The following XPO1 variants were observed in gnomAD, a reference collection of about 807,000 sequenced individuals.
XPO1 encodes the protein exportin 1.
In XPO1, 5 loss-of-function variants were observed where a neutral mutation model predicts 133.3. The ratio of observed to expected loss-of-function variants is 0.04; its 90% CI spans 0.02 to 0.08. The LOEUF (loss-of-function observed/expected upper bound fraction) is 0.08, where lower values mean the gene tolerates loss of function less well. Among genes scored for constraint, XPO1 ranks in the 10% least tolerant of loss-of-function variants. XPO1 has a pLI of 1.00. For synonymous variants in XPO1, 419 were observed against 408.2 expected, an observed-to-expected ratio of 1.03 and a Z score of -0.32; for missense variants, 506 against 1,267.5, an observed-to-expected ratio of 0.40 and a Z score of 9.12.
At chr2:61,517,908 C>T (rs1001363233) in intron 4 of XPO1, among the ~76,000 whole-genome samples, 1 of 151,998 alleles carries the variant, frequency 6.6e-6, no homozygotes, top group Non-Finnish European at 1.5e-5. Context: ...GTGAGGATCA[C>T]CTGAAGTCAG....
At position 61,478,980 on chromosome 2, in the gene XPO1, T is replaced by C; in HGVS notation, c.3070-14A>G. On this transcript the variant is annotated splice_polypyrimidine_tract_variant and intron_variant, in intron 24 of 24. Transcript: ENST00000401558. ...ACCTGCAAATTCCTGTGAAAACAGA[T>C]AGTTGAAATGTCAACGCAATAAACT... 1.2e-6 allele frequency: 2 copies of C among 1,609,278 alleles called. No homozygotes were observed. The highest frequency in any genetic ancestry group is 1.7e-6 in the Non-Finnish European group (2 of 1,178,334).
intron 4 of XPO1, among the ~76,000 whole-genome samples, chr2:61,515,935 A>AC (rs1300578395): frequency 6.2e-5 from 7 of 113,514 alleles, no homozygotes; most frequent in African/African-American, 2.3e-4. Context: ...AAAAAAAAAA[A>AC]ACCACACACA....
In XPO1 at chr2:61,507,573, T is replaced by TA. The variant is rs879932546; in HGVS notation, c.302-5264dup. On this transcript the variant is annotated intron_variant, in intron 4 of 24. Transcript: ENST00000401558. ...GCAACAGAGGGGATCTCTGTCTCTT[T>TA]AAAAAAAAAAATCAAACAAGGCAGC... Among the ~76,000 whole-genome samples, 932 of 146,982 alleles carry TA rather than the reference T, an allele frequency of 6.3e-3. 4 individuals are homozygous for TA. Among genetic ancestry groups the TA allele is most frequent in the Non-Finnish European group, 7.4e-3 (489 of 66,212 alleles).
At chr2:61,504,850 G>T (rs1406093411) in intron 4 of XPO1, among the ~76,000 whole-genome samples, 1 of 151,992 alleles carries the variant, frequency 6.6e-6, no homozygotes, top group Non-Finnish European at 1.5e-5. Flanking sequence ...AAAAATTTCT[G>T]TAACAGTAAT....
chr2:61,520,836 GTAAAA>G (rs1253128874), intron 4 of XPO1, among the ~76,000 whole-genome samples: 1 of 152,138 alleles, frequency 6.6e-6, no homozygotes, highest in African/African-American at 2.4e-5. Flanking sequence ...TTATACAACA[GTAAAA>G]TGGGACAGAA....
intron 19 of XPO1, among the ~76,000 whole-genome samples, chr2:61,487,127 G>T (rs546060072): frequency 6.6e-6 from 1 of 151,608 alleles, no homozygotes; most frequent in Non-Finnish European, 1.5e-5. Flanking sequence ...TGATCCACCC[G>T]CCTCGGCCTC....
At chr2:61,479,061 G>A (rs972005571) in intron 24 of XPO1, 95 bp from the exon 25 acceptor site, 2 of 1,406,064 alleles carry the variant, frequency 1.4e-6, no homozygotes, top group East Asian at 2.3e-5. Flanking sequence ...GAGAAGGAAG[G>A]AATATAAATT....
intron 24 of XPO1, among the ~76,000 whole-genome samples, chr2:61,480,823 G>C (rs1014490688): frequency 6.6e-6 from 1 of 151,966 alleles, no homozygotes; most frequent in Non-Finnish European, 1.5e-5. Flanking sequence ...GCAGAAGAAA[G>C]ACATTCTATC....
intron 2 of XPO1, among the ~76,000 whole-genome samples, chr2:61,527,776 A>G (rs1224139053): frequency 6.6e-6 from 1 of 152,086 alleles, no homozygotes; most frequent in African/African-American, 2.4e-5. Context: ...TTTTATTTTC[A>G]TATTTTTAAC....
intron 4 of XPO1, among the ~76,000 whole-genome samples, chr2:61,505,424 C>T (rs1558653397): frequency 6.8e-6 from 1 of 147,916 alleles, no homozygotes; most frequent in Admixed American, 6.8e-5. Flanking sequence ...TGGAGTCTTC[C>T]TCTGTCTTCC....
chr2:61,495,588 C>A lies in XPO1; in HGVS notation c.914G>T (p.Arg305Leu). Residue 305 changes from arginine to leucine, a missense_variant, in exon 11 of 25, where the codon CGA becomes CTA. By Grantham distance (102) the Arg-to-Leu change is moderately radical (BLOSUM62 -2). Coordinates refer to ENST00000401558, the MANE Select transcript of XPO1 (RefSeq NM_003400.4). The stretch of plus-strand genomic sequence containing the variant: ...ATCTTTTCCATTTGAGTACGCAAGT[C>A]GAATATTGGTATTTAAAGGAAGCAT... The part of the protein sequence containing the change: ...KQMLPLNTNI[R>L]LAYSNGKDDE... 1 of 1,576,876 alleles carries A rather than the reference C, an allele frequency of 6.3e-7. No homozygotes were observed. Among genetic ancestry groups the A allele is most frequent in the South Asian group, 1.2e-5 (1 of 84,794 alleles).
chr2:61,523,404 C>T (rs1387755146), intron 3 of XPO1, among the ~76,000 whole-genome samples: 2 of 152,224 alleles, frequency 1.3e-5, no homozygotes, highest in African/African-American at 2.4e-5. Flanking sequence ...AGAGATACCA[C>T]TTTCAAGCCA....
chr2:61,511,927 C>T (rs770641342), intron 4 of XPO1, among the ~76,000 whole-genome samples: 37 of 151,846 alleles, frequency 2.4e-4, no homozygotes, highest in Admixed American at 7.9e-4. Flanking sequence ...CCACCATGCC[C>T]GGCTAATTTT....
chr2:61,537,185 T>G (rs534181869), intron 1 of XPO1: 4 of 151,480 alleles, frequency 2.6e-5, no homozygotes, highest in Admixed American at 6.6e-5. Context: ...AAACTTCCAC[T>G]CCTAATAATT....
At chr2:61,508,140 G>C (rs1401763233) in intron 4 of XPO1, among the ~76,000 whole-genome samples, 2 of 151,846 alleles carry the variant, frequency 1.3e-5, no homozygotes, top group African/African-American at 2.4e-5. Context: ...AAGGCACGTG[G>C]ATCACCTGAG....
chr2:61,511,280 C>T (rs758553706), intron 4 of XPO1, among the ~76,000 whole-genome samples: 4 of 152,118 alleles, frequency 2.6e-5, no homozygotes, highest in African/African-American at 7.2e-5. Context: ...TGCGCCACCA[C>T]GCCCAGCTAA....
At chr2:61,486,783 C>G (rs1041490591) in intron 19 of XPO1, among the ~76,000 whole-genome samples, 1 of 152,056 alleles carries the variant, frequency 6.6e-6, no homozygotes, top group African/African-American at 2.4e-5. Flanking sequence ...ATCAATTACT[C>G]TCAGAAAATA....
At chr2:61,488,440 C>A in intron 18 of XPO1, 148 bp downstream of exon 18, 1 of 1,133,322 alleles carries the variant, frequency 8.8e-7, no homozygotes, top group Non-Finnish European at 1.3e-6. Flanking sequence ...GGGAAAGGTA[C>A]ACTTAACTGT....
At chr2:61,536,115 A>C (rs1355364548) in intron 1 of XPO1, 3 of 152,252 alleles carry the variant, frequency 2.0e-5, no homozygotes, top group Non-Finnish European at 2.9e-5. Flanking sequence ...AACTAGACTG[A>C]TGTGAAAAAC....
Sources: allele counts gnomAD v4.1 joint callset (sites outside exome capture counted in the v4.1 genomes callset), GRCh38; gene constraint gnomAD v4.1.1; transcripts MANE v1.5; gene names NCBI Gene and HGNC (gene_info 2026-07-23, HGNC 2026-07-21).